Variants in RECQL observed in about 807,000 individuals in gnomAD.
RECQL encodes the protein ATP-dependent DNA helicase Q1.
RECQL carries 73 observed loss-of-function variants against 75.8 expected under a neutral mutation model. The ratio of observed to expected loss-of-function variants is 0.96; its 90% CI spans 0.80 to 1.17. The LOEUF (loss-of-function observed/expected upper bound fraction) is 1.17. RECQL is among the 50% of genes most tolerant of loss of function. The pLI is 0.00. For synonymous variants in RECQL, 248 were observed against 254.4 expected, an observed-to-expected ratio of 0.97 and a Z score of 0.24; for missense variants, 699 against 772.1, an observed-to-expected ratio of 0.91 and a Z score of 1.12.
At position 21,491,595 on chromosome 12, in the gene RECQL, T is replaced by C; in HGVS notation, c.138A>G (p.Ile46Met). 6.2e-7 allele frequency: 1 copy of C among 1,614,084 alleles called. No homozygotes were observed. Among genetic ancestry groups the C allele is most frequent in the Non-Finnish European group, 8.5e-7 (1 of 1,180,000 alleles). The change falls in exon 3 of 15, where the codon ATA becomes ATG. Residue 46 changes from isoleucine to methionine, a missense_variant. Ile to Met is a conservative substitution (Grantham distance 10). This residue lies in a region of RECQL where 669 missense variants were observed against 713.5 expected (regional missense o/e 0.94). Transcript: ENST00000444129. The part of the protein sequence containing the change: ...IQKKKVLTKK[I>M]KQCLEDSDAG... ...CATCAGAATCCTCTAAACACTGCTT[T>C]ATTTTCTTTGTCAGGACTTTTTTTT...
chr12:21,501,385 A>G lies in RECQL; in HGVS notation c.-261T>C. The G allele has an allele frequency of 6.5e-6, 1 of 152,850 alleles. No individual in the cohort carries two copies. The highest frequency in any genetic ancestry group is 1.5e-5 in the Non-Finnish European group (1 of 68,360). The allele number at this position is 152,850 out of a possible 1,614,324, so 9.5% of individuals were successfully genotyped here. A position where few individuals can be genotyped will look rare whatever the true frequency, so the allele number is the denominator to read the frequency against. On this transcript the variant is annotated 5_prime_UTR_variant, in exon 1 of 15. Transcript: ENST00000444129. ...GACCGGCCTCGCCCTGCAGCAGGAA[A>G]GGGAAGGATGAAACAAAAAGCGCAC...
At position 21,476,973 on chromosome 12, in the gene RECQL, T is replaced by C. The variant is rs1478687167; in HGVS notation, c.887A>G (p.Asn296Ser). The C allele has an allele frequency of 1.2e-6, 2 of 1,609,242 alleles. No individual in the cohort carries two copies. The highest frequency in any genetic ancestry group is 1.7e-6 in the Non-Finnish European group (2 of 1,177,948). The change falls in exon 8 of 15, where the codon AAC becomes AGC. Residue 296 changes from asparagine (N) to serine (S), a missense_variant. By Grantham distance (46) the Asn-to-Ser change is conservative (BLOSUM62 1). Around this residue, in one of 2 missense-constraint regions of RECQL, gnomAD observed 669 missense variants for 713.5 expected, o/e 0.94. Coordinates refer to ENST00000444129, the MANE Select transcript of RECQL (RefSeq NM_002907.4). ...LYYEVRQKPSNTEDFIEDIVK... is the reference protein window; with the variant it reads ...LYYEVRQKPSSTEDFIEDIVK... Reference sequence around the variant, plus strand: ...AATATCCTCAATAAAATCTTCAGTGTTTGAGGGCTTCTGCCGAACCTAAAA... The same window carrying C: ...AATATCCTCAATAAAATCTTCAGTGCTTGAGGGCTTCTGCCGAACCTAAAA...
chr12:21,483,274 A>T, intron 6 of RECQL, 102 bp downstream of exon 6: 1 of 811,004 alleles, frequency 1.2e-6, no homozygotes, highest in Non-Finnish European at 2.0e-6. Context: ...ATGTGTAACT[A>T]CTTGAGGATG....
At position 21,483,432 on chromosome 12, in the gene RECQL, C is replaced by T. The variant is rs561515655; in HGVS notation, c.644G>A (p.Arg215Gln). The change falls in exon 6 of 15, where the codon CGA (arginine) becomes CAA (glutamine). Residue 215 changes from arginine (R) to glutamine (Q), a missense_variant. Around this residue, in one of 2 missense-constraint regions of RECQL, gnomAD observed 669 missense variants for 713.5 expected, o/e 0.94. Coordinates refer to ENST00000444129, the MANE Select transcript of RECQL (RefSeq NM_002907.4). ...EKAYEARRFT[R>Q]IAVDEVHCCS... is the part of the protein sequence containing the mutation. The stretch of plus-strand genomic sequence containing the variant: ...GCAGTGAACTTCATCCACAGCAATT[C>T]GAGTAAATCTCCTTGCTTCATAGGC... 1.1e-5 allele frequency: 18 copies of T among 1,606,084 alleles called. No individual in the cohort carries two copies. The East Asian group carries it at 2.7e-4, about 24-fold the overall frequency.
chr12:21,471,010 T>C lies in RECQL; in HGVS notation c.1756A>G (p.Ile586Val). ...ANLLNNEAHA[I>V]TMQVTKSTQN... ...GTGGACTTTGTCACTTGCATAGTAA[T>C]AGCATGTGCCTCATTGTTCAGAAGA... Residue 586 changes from isoleucine (I) to valine (V), a missense_variant, in exon 14 of 15, where the codon ATT (isoleucine) becomes GTT (valine). Ile to Val is a conservative substitution (Grantham distance 29). Around this residue, in one of 2 missense-constraint regions of RECQL, gnomAD observed 669 missense variants for 713.5 expected, o/e 0.94. Transcript: ENST00000444129. The C allele has an allele frequency of 1.3e-6, 2 of 1,591,564 alleles. No individual in the cohort carries two copies. The highest frequency in any genetic ancestry group is 2.3e-5 in the East Asian group (1 of 43,046).
intron 6 of RECQL, among the ~76,000 whole-genome samples, chr12:21,482,004 A>G (rs899047267): frequency 2.7e-5 from 4 of 147,592 alleles, no homozygotes; most frequent in African/African-American, 7.3e-5. Context: ...GCATGATTCA[A>G]TGAGTTCAGA....
At chr12:21,476,886 C>A in intron 8 of RECQL, 25 bp downstream of exon 8, 1 of 1,526,678 alleles carries the variant, frequency 6.6e-7, no homozygotes, top group South Asian at 1.2e-5. Context: ...TCTCTGTCTC[C>A]AAAGTTGGTT....
rs1370530125 is a variant in RECQL at position 21,490,233 on chromosome 12, G to A, written c.360C>T (p.Ser120=). 1.2e-6 allele frequency: 2 copies of A among 1,612,568 alleles called. No individual in the cohort carries two copies. The highest frequency in any genetic ancestry group is 1.7e-6 in the Non-Finnish European group (2 of 1,178,930). ...FLVMPTGGGK[S]LCYQLPALCS... The stretch of plus-strand genomic sequence containing the variant: ...ATAATGCTGGTAACTGGTAACATAA[G>A]CTCTTTCCACCTCCTGTAGGCATAA... Residue 120 remains serine (S), a synonymous_variant, in exon 4 of 15, where the codon AGC becomes AGT. Coordinates refer to ENST00000444129, the MANE Select transcript of RECQL (RefSeq NM_002907.4).
chr12:21,493,458 A>G (rs181416560), intron 2 of RECQL, among the ~76,000 whole-genome samples: 152 of 152,070 alleles, frequency 1.0e-3, no homozygotes, highest in African/African-American at 3.6e-3. Flanking sequence ...CAAAGTTTCT[A>G]TGATTGTCCT....
At chr12:21,481,107 A>C (rs1420961129) in intron 6 of RECQL, among the ~76,000 whole-genome samples, 1 of 152,246 alleles carries the variant, frequency 6.6e-6, no homozygotes, top group Admixed American at 6.5e-5. Context: ...TGGCTTCAGC[A>C]AACATGTGAG....
chr12:21,501,257 G>A lies in RECQL; in HGVS notation c.-133C>T, dbSNP rs1447505000. On this transcript the variant is annotated 5_prime_UTR_variant, in exon 1 of 15. Transcript: ENST00000444129. Reference sequence around the variant, plus strand: ...GGGGAGATCAGAAGACCGGTCAGCAGGCGAACGTGCCCCTAAAGGCCCGAG... The same window carrying A: ...GGGGAGATCAGAAGACCGGTCAGCAAGCGAACGTGCCCCTAAAGGCCCGAG... 1 of 152,226 alleles carries A rather than the reference G, an allele frequency of 6.6e-6. No homozygotes were observed. The highest frequency in any genetic ancestry group is 2.4e-5 in the African/African-American group (1 of 41,432). 9.4% of individuals were successfully genotyped at this position (152,226 alleles called of 1,614,324 possible).
chr12:21,485,683 TA>T (rs542079102), intron 5 of RECQL, among the ~76,000 whole-genome samples: 2 of 152,126 alleles, frequency 1.3e-5, no homozygotes, highest in Non-Finnish European at 2.9e-5. Context: ...AATTTACAAT[TA>T]AAATATGATG....
At chr12:21,471,759 C>T (rs1942972379) in intron 12 of RECQL, 112 bp from the exon 13 acceptor site, 1 of 770,724 alleles carries the variant, frequency 1.3e-6, no homozygotes, top group Non-Finnish European at 2.1e-6. Flanking sequence ...GTGAGCCACC[C>T]TAAACATTGA....
chr12:21,494,590 C>A (rs1943470609), intron 2 of RECQL, among the ~76,000 whole-genome samples: 1 of 152,106 alleles, frequency 6.6e-6, no homozygotes, highest in African/African-American at 2.4e-5. Flanking sequence ...TCCAGTGAGG[C>A]TGGAGCTCTG....
At chr12:21,486,101 A>G (rs1420154133) in intron 5 of RECQL, among the ~76,000 whole-genome samples, 4 of 152,224 alleles carry the variant, frequency 2.6e-5, no homozygotes, top group African/African-American at 9.6e-5. Context: ...TTTATGGGCT[A>G]TAAGGTCTCT....
intron 4 of RECQL, among the ~76,000 whole-genome samples, chr12:21,489,590 C>A (rs1943369801): frequency 1.3e-5 from 2 of 152,190 alleles, no homozygotes; most frequent in South Asian, 4.1e-4. Flanking sequence ...GTGCCTAGCA[C>A]CATGGCAGAC....
intron 6 of RECQL, among the ~76,000 whole-genome samples, chr12:21,479,453 C>T (rs560414401): frequency 3.3e-5 from 5 of 150,880 alleles, no homozygotes; most frequent in African/African-American, 9.8e-5. Flanking sequence ...CCCGGGTTCA[C>T]GCCATTCTCC....
intron 2 of RECQL, among the ~76,000 whole-genome samples, chr12:21,497,997 T>G (rs1943539530): frequency 6.6e-6 from 1 of 152,184 alleles, no homozygotes; most frequent in Non-Finnish European, 1.5e-5. Context: ...GGATATGAAT[T>G]TACCATACCT....
chr12:21,500,477 G>A (rs1158823414), intron 1 of RECQL, among the ~76,000 whole-genome samples: 1 of 152,092 alleles, frequency 6.6e-6, no homozygotes, highest in African/African-American at 2.4e-5. Context: ...CTGACCTTAC[G>A]CCCTTTCTAC....
Sources: allele counts gnomAD v4.1 joint callset (sites outside exome capture counted in the v4.1 genomes callset), GRCh38; gene constraint gnomAD v4.1.1; regional missense constraint gnomAD v4.1.1; transcripts MANE v1.5; gene names NCBI Gene and HGNC (gene_info 2026-07-23, HGNC 2026-07-21).